Variants in EPHB2 observed in about 807,000 individuals in gnomAD.
The protein encoded by EPHB2 is ephrin type-B receptor 2.
In EPHB2, 18 loss-of-function variants were observed where a neutral mutation model predicts 96.4. The observed-to-expected ratio is 0.19, with a 90% confidence interval of 0.13 to 0.28. The LOEUF is 0.28. EPHB2 is among the 10% of genes least tolerant of loss of function. The pLI is 1.00. For missense variants in EPHB2, 989 were observed against 1,355.4 expected (o/e 0.73, Z 4.25); for synonymous variants, 506 against 534.1 (o/e 0.95, Z 0.72).
At position 22,864,933 on chromosome 1, in the gene EPHB2, C is replaced by T; in HGVS notation, c.1024C>T (p.Leu342=). The change falls in exon 5 of 16, where the codon CTG becomes TTG. Residue 342 remains leucine (L), a synonymous_variant. Coordinates refer to ENST00000374630, the MANE Select transcript of EPHB2 (RefSeq NM_017449.5). ...ISSVNETSLM[L]EWTPPRDSGG... is the part of the protein sequence containing the mutation. ...CAGTGTCAATGAGACCTCCCTCATG[C>T]TGGAGTGGACCCCTCCCCGCGACTC... The T allele has an allele frequency of 6.2e-7, 1 of 1,605,918 alleles. No individual in the cohort carries two copies. Among genetic ancestry groups the T allele is most frequent in the Non-Finnish European group, 8.5e-7 (1 of 1,175,844 alleles).
chr1:22,801,811 A>C (rs1342167246), intron 3 of EPHB2, among the ~76,000 whole-genome samples: 3 of 151,998 alleles, frequency 2.0e-5, no homozygotes, highest in African/African-American at 7.2e-5. Context: ...TTTGTGGCCC[A>C]GGAAGAATGC....
intron 8 of EPHB2, among the ~76,000 whole-genome samples, chr1:22,896,031 C>A (rs907259112): frequency 1.3e-5 from 2 of 152,180 alleles, no homozygotes; most frequent in Non-Finnish European, 2.9e-5. Context: ...GAGGGTGGGG[C>A]CAGTTCCTTG....
At chr1:22,778,949 T>C (rs1339637562) in intron 1 of EPHB2, among the ~76,000 whole-genome samples, 1 of 152,194 alleles carries the variant, frequency 6.6e-6, no homozygotes, top group Non-Finnish European at 1.5e-5. Flanking sequence ...GGCCTCTGGG[T>C]CAGCCCAGGA....
chr1:22,906,771 G>A lies in EPHB2; in HGVS notation c.1950G>A (p.Val650=). 6.2e-7 allele frequency: 1 copy of A among 1,614,174 alleles called. No individual in the cohort carries two copies. Among genetic ancestry groups the A allele is most frequent in the Middle Eastern group, 1.6e-4 (1 of 6,062 alleles). Residue 650 remains valine, a synonymous_variant, in exon 11 of 16, where the codon GTG becomes GTA. Coordinates refer to ENST00000374630, the MANE Select transcript of EPHB2 (RefSeq NM_017449.5). The surrounding 1 kb of genome is among the most constrained non-coding windows in gnomAD (Gnocchi z 4.8). The part of the protein sequence containing the change: ...LKLPGKREIF[V]AIKTLKSGYT... ...TGCCAGGCAAGAGAGAGATCTTTGT[G>A]GCCATCAAGACGCTCAAGTCGGGCT...
intron 3 of EPHB2, among the ~76,000 whole-genome samples, chr1:22,819,492 G>A (rs930037088): frequency 2.6e-5 from 4 of 152,108 alleles, no homozygotes; most frequent in African/African-American, 9.7e-5. Flanking sequence ...CCCCAGTAGG[G>A]CCATTAAGTC....
chr1:22,885,179 G>A (rs1639184142), intron 6 of EPHB2, among the ~76,000 whole-genome samples: 1 of 152,062 alleles, frequency 6.6e-6, no homozygotes, highest in Admixed American at 6.6e-5. Flanking sequence ...CAGCATCTCT[G>A]CTCCCCGCAG....
At chr1:22,836,113 G>A (rs1042070127) in intron 3 of EPHB2, 5 of 152,220 alleles carry the variant, frequency 3.3e-5, no homozygotes, top group African/African-American at 4.8e-5. Flanking sequence ...CAGGGGCTCG[G>A]GGGCCCCACA....
chr1:22,784,527 G>A lies in EPHB2; in HGVS notation c.262G>A (p.Val88Met), dbSNP rs764400386. 5.6e-6 allele frequency: 9 copies of A among 1,613,872 alleles called. No homozygotes were observed. The highest frequency in any genetic ancestry group is 1.1e-5 in the South Asian group (1 of 91,078). ...IRRRGAHRIHVEMKFSVRDCS... is the reference protein window; with the variant it reads ...IRRRGAHRIHMEMKFSVRDCS... ...GCGCCGTGGCGCCCACCGCATCCAC[G>A]TGGAGATGAAGTTTTCGGTGCGTGA... Residue 88 changes from valine to methionine, a missense_variant, in exon 3 of 16, where the codon GTG (valine) becomes ATG (methionine). Coordinates refer to ENST00000374630, the MANE Select transcript of EPHB2 (RefSeq NM_017449.5). This position sits in a 1 kb window ranked among gnomAD's most constrained non-coding sequence, Gnocchi z 5.1.
intron 3 of EPHB2, among the ~76,000 whole-genome samples, chr1:22,801,663 A>G (rs945548282): frequency 1.3e-5 from 2 of 152,192 alleles, no homozygotes; most frequent in African/African-American, 4.8e-5. Flanking sequence ...GCAGAGGTGC[A>G]GCATAGGGAA....
chr1:22,834,423 T>G (rs1645350127), intron 3 of EPHB2, among the ~76,000 whole-genome samples: 1 of 152,184 alleles, frequency 6.6e-6, no homozygotes, highest in Non-Finnish European at 1.5e-5. Context: ...TTAAAATACC[T>G]TGTCTGAATC....
intron 1 of EPHB2, among the ~76,000 whole-genome samples, chr1:22,736,487 G>A (rs895086333): frequency 6.6e-6 from 1 of 152,218 alleles, no homozygotes; most frequent in African/African-American, 2.4e-5. Flanking sequence ...CCACCCCACA[G>A]ACCCGCCTCA....
intron 5 of EPHB2, among the ~76,000 whole-genome samples, chr1:22,872,199 G>A (rs998032468): frequency 3.3e-5 from 5 of 152,100 alleles, no homozygotes; most frequent in African/African-American, 1.2e-4. Context: ...TCAGCTGGGG[G>A]CTGCCTGAGC....
intron 5 of EPHB2, among the ~76,000 whole-genome samples, chr1:22,869,511 C>G (rs1226230632): frequency 6.6e-6 from 1 of 151,828 alleles, no homozygotes; most frequent in African/African-American, 2.4e-5. Flanking sequence ...TCCTGGAAGG[C>G]TTCCTGGAAG....
At chr1:22,820,985 A>G (rs1645144843) in intron 3 of EPHB2, among the ~76,000 whole-genome samples, 1 of 152,230 alleles carries the variant, frequency 6.6e-6, no homozygotes, top group Admixed American at 6.5e-5. Flanking sequence ...ATGGTGGCTT[A>G]AACAAGATTG....
intron 3 of EPHB2, among the ~76,000 whole-genome samples, chr1:22,823,264 C>G (rs1488685825): frequency 6.6e-6 from 1 of 152,200 alleles, no homozygotes; most frequent in African/African-American, 2.4e-5. Flanking sequence ...GCTAACCTGG[C>G]CCATCCTTCA....
At chr1:22,781,035 G>T (rs1644522759) in intron 1 of EPHB2, among the ~76,000 whole-genome samples, 1 of 151,364 alleles carries the variant, frequency 6.6e-6, no homozygotes, top group Non-Finnish European at 1.5e-5. Context: ...GGCCGTGAGG[G>T]TCTGGCCGGG....
chr1:22,913,782 CAG>C lies in EPHB2; in HGVS notation c.*214_*215del, dbSNP rs777486504. On this transcript the variant is annotated 3_prime_UTR_variant, in exon 16 of 16. Coordinates refer to ENST00000374630, the MANE Select transcript of EPHB2 (RefSeq NM_017449.5). The surrounding 1 kb of genome is among the most constrained non-coding windows in gnomAD (Gnocchi z 4.1). ...AAAAAGGGAATGGGAAAAAAGAAAA[CAG>C]ATCCTGGGAGGGGGCGGGAAATACA... is the stretch of plus-strand genomic sequence containing the variant. The C allele has an allele frequency of 8.1e-5, 131 of 1,608,408 alleles. No homozygotes were observed. Among genetic ancestry groups the C allele is most frequent in the Middle Eastern group, 3.3e-4 (2 of 6,054 alleles).
At chr1:22,881,283 A>G (rs1171851575) in intron 5 of EPHB2, among the ~76,000 whole-genome samples, 1 of 152,104 alleles carries the variant, frequency 6.6e-6, no homozygotes, top group Non-Finnish European at 1.5e-5. Flanking sequence ...CTGTAATCCC[A>G]GCTACTCAGG....
At chr1:22,902,350 G>A (rs922057035) in intron 9 of EPHB2, among the ~76,000 whole-genome samples, 3 of 152,156 alleles carry the variant, frequency 2.0e-5, no homozygotes, top group African/African-American at 4.8e-5. Flanking sequence ...GTAAATCTAC[G>A]CTGAATGTAT....
Sources: gnomAD v4.1 joint callset for allele counts (sites outside exome capture counted in the v4.1 genomes callset) on GRCh38, gnomAD v4.1.1 for gene constraint, Gnocchi (gnomAD v3.1) non-coding constraint, MANE v1.5 for transcripts, NCBI Gene and HGNC (gene_info 2026-07-23, HGNC 2026-07-21) for gene names.